PGM5: variants seen among roughly 807,000 people sequenced by gnomAD.
PGM5 encodes the protein phosphoglucomutase-like protein 5.
PGM5 carries 23 observed loss-of-function variants against 59.2 expected under a neutral mutation model. That is an observed-to-expected ratio of 0.39 (90% CI 0.28 to 0.55). The LOEUF is 0.55. Ranked by LOEUF, PGM5 falls within the 20% of genes least tolerant of loss-of-function variation. The pLI is 0.66. For synonymous variants in PGM5, 214 were observed against 286.0 expected (o/e 0.75, Z 2.54); for missense variants, 574 against 748.3 (o/e 0.77, Z 2.72).
At chr9:68,513,218 T>C (rs549838457) in intron 10 of PGM5, among the ~76,000 whole-genome samples, 1 of 152,222 alleles carries the variant, frequency 6.6e-6, no homozygotes, top group Non-Finnish European at 1.5e-5. Context: ...GGGAAAAAAA[T>C]ATCAAATCTC....
At chr9:68,517,577 C>T (rs1824842134) in intron 10 of PGM5, among the ~76,000 whole-genome samples, 1 of 152,284 alleles carries the variant, frequency 6.6e-6, no homozygotes, top group South Asian at 2.1e-4. Flanking sequence ...ATGGTGGGCA[C>T]TCTGGTGATG....
At chr9:68,408,862 G>A (rs1308444957) in intron 6 of PGM5, among the ~76,000 whole-genome samples, 3 of 151,736 alleles carry the variant, frequency 2.0e-5, no homozygotes, top group Non-Finnish European at 2.9e-5. Context: ...TTTTTCTCAG[G>A]TTTGTCAAAG....
At chr9:68,475,940 G>A (rs1554686607) in intron 7 of PGM5, among the ~76,000 whole-genome samples, 2 of 152,202 alleles carry the variant, frequency 1.3e-5, no homozygotes, top group Admixed American at 6.5e-5. Flanking sequence ...AGGATCACTT[G>A]AGCCTGGGAG....
At chr9:68,493,555 A>G (rs1554688013) in intron 9 of PGM5, among the ~76,000 whole-genome samples, 1 of 152,216 alleles carries the variant, frequency 6.6e-6, no homozygotes, top group African/African-American at 2.4e-5. Flanking sequence ...TCTTTTCAAT[A>G]AAAAGAGAGA....
At chr9:68,492,758 T>A (rs1218104288) in intron 9 of PGM5, among the ~76,000 whole-genome samples, 1 of 152,218 alleles carries the variant, frequency 6.6e-6, no homozygotes, top group Non-Finnish European at 1.5e-5. Flanking sequence ...GCTAACTCTA[T>A]GAATTATTAA....
intron 6 of PGM5, among the ~76,000 whole-genome samples, chr9:68,453,354 T>A (rs1554684545): frequency 6.6e-6 from 1 of 152,194 alleles, no homozygotes; most frequent in Non-Finnish European, 1.5e-5. Flanking sequence ...TTGGTTTTGT[T>A]TTTTGAGACA....
At chr9:68,509,371 A>G (rs1824708417) in intron 10 of PGM5, among the ~76,000 whole-genome samples, 1 of 152,204 alleles carries the variant, frequency 6.6e-6, no homozygotes, top group Non-Finnish European at 1.5e-5. Context: ...ACTTTTGAGC[A>G]TTTTTGTTGG....
chr9:68,504,531 A>G (rs1824626216), intron 10 of PGM5, among the ~76,000 whole-genome samples: 1 of 152,006 alleles, frequency 6.6e-6, no homozygotes, highest in Non-Finnish European at 1.5e-5. Flanking sequence ...GCCTCGTGTT[A>G]GTTACGATGG....
At chr9:68,501,967 G>A (rs1824580720) in intron 10 of PGM5, among the ~76,000 whole-genome samples, 1 of 152,186 alleles carries the variant, frequency 6.6e-6, no homozygotes, top group African/African-American at 2.4e-5. Context: ...TATGCATTTA[G>A]ACCATACTCA....
chr9:68,522,530 G>A (rs1213542280), intron 10 of PGM5, among the ~76,000 whole-genome samples: 1 of 152,164 alleles, frequency 6.6e-6, no homozygotes, highest in African/African-American at 2.4e-5. Context: ...GTTAATTTTG[G>A]TTTGCAAGAT....
At chr9:68,515,034 G>A (rs265087) in intron 10 of PGM5, among the ~76,000 whole-genome samples, 28,407 of 152,172 alleles carry the variant, frequency 0.19, 5,660 homozygotes, top group African/African-American at 0.5. Flanking sequence ...CAGTGGATGA[G>A]GTAAAGAAAG....
At chr9:68,516,632 C>G (rs955828610) in intron 10 of PGM5, among the ~76,000 whole-genome samples, 12 of 152,148 alleles carry the variant, frequency 7.9e-5, no homozygotes, top group Non-Finnish European at 1.5e-4. Context: ...CCACTGAGGT[C>G]CCTGCCTGGG....
At chr9:68,479,283 TATATTTA>T in intron 7 of PGM5, 128 bp from the exon 8 acceptor site, 2 of 713,864 alleles carry the variant, frequency 2.8e-6, no homozygotes, top group Non-Finnish European at 4.6e-6. Context: ...TTAGGAGACA[TATATTTA>T]ATATAATGGG....
chr9:68,510,653 C>G (rs951496089), intron 10 of PGM5, among the ~76,000 whole-genome samples: 1 of 152,068 alleles, frequency 6.6e-6, no homozygotes, highest in African/African-American at 2.4e-5. Context: ...GAGTCTCAAT[C>G]GTTTTAGAGG....
At chr9:68,460,119 T>A (rs1410853183) in intron 6 of PGM5, among the ~76,000 whole-genome samples, 1 of 152,164 alleles carries the variant, frequency 6.6e-6, no homozygotes, top group Non-Finnish European at 1.5e-5. Flanking sequence ...TTTCTTGAAG[T>A]AGGATTCCAA....
At chr9:68,446,553 C>T (rs561330992) in intron 6 of PGM5, among the ~76,000 whole-genome samples, 2 of 152,246 alleles carry the variant, frequency 1.3e-5, no homozygotes, top group Admixed American at 6.5e-5. Flanking sequence ...TGGTTGTGTA[C>T]GTGCTGTGCG....
intron 8 of PGM5, among the ~76,000 whole-genome samples, chr9:68,480,864 T>C (rs187292642): frequency 1.8e-3 from 279 of 152,260 alleles, no homozygotes; most frequent in Middle Eastern, 3.4e-3. Flanking sequence ...GTAAGAGTAT[T>C]CTGGAAGTGT....
At chr9:68,387,321 C>T (rs1822247359) in intron 3 of PGM5, 142 bp from the exon 4 acceptor site, 2 of 724,930 alleles carry the variant, frequency 2.8e-6, no homozygotes, top group East Asian at 5.2e-5. Flanking sequence ...CAAATGGGCA[C>T]TTCGCTTCCC....
intron 1 of PGM5, among the ~76,000 whole-genome samples, chr9:68,373,636 A>G (rs1227082979): frequency 6.6e-6 from 1 of 152,090 alleles, no homozygotes; most frequent in African/African-American, 2.4e-5. Flanking sequence ...TTGATTTGGC[A>G]TTAAACTGTC....
Sources: allele counts gnomAD v4.1 joint callset (sites outside exome capture counted in the v4.1 genomes callset), GRCh38; gene constraint gnomAD v4.1.1; transcripts MANE v1.5; gene names NCBI Gene and HGNC (gene_info 2026-07-23, HGNC 2026-07-21).